Variants in CCDC186 observed in about 807,000 individuals in gnomAD.
CCDC186 encodes coiled-coil domain-containing protein 186.
Under a neutral mutation model 113.7 loss-of-function variants are expected in CCDC186, and 49 were observed. The ratio of observed to expected loss-of-function variants is 0.43; its 90% CI spans 0.34 to 0.55. The LOEUF is 0.55. Ranked by LOEUF, CCDC186 falls within the 20% of genes least tolerant of loss-of-function variation. The probability of loss-of-function intolerance (pLI) is 0.02; values close to 1 mark genes in which losing one functional copy is unlikely to be tolerated. For synonymous variants in CCDC186, 355 were observed against 345.8 expected, an observed-to-expected ratio of 1.03 and a Z score of -0.30; for missense variants, 890 against 1,011.1, an observed-to-expected ratio of 0.88 and a Z score of 1.62.
intron 14 of CCDC186, 106 bp downstream of exon 14, chr10:114,127,354 AT>A: frequency 2.9e-6 from 3 of 1,023,802 alleles, no homozygotes; most frequent in Non-Finnish European, 2.8e-6. Flanking sequence ...AACTATAATT[AT>A]TTTTTGAAAG....
chr10:114,135,272 C>T (rs762031071), intron 9 of CCDC186, among the ~76,000 whole-genome samples: 8 of 152,074 alleles, frequency 5.3e-5, no homozygotes, highest in Non-Finnish European at 1.2e-4. Flanking sequence ...ACTGAATCAC[C>T]ATCTCCTCAC....
intron 2 of CCDC186, among the ~76,000 whole-genome samples, chr10:114,159,598 C>T (rs529929967): frequency 4.9e-4 from 72 of 146,790 alleles, no homozygotes; most frequent in Non-Finnish European, 8.0e-4. Flanking sequence ...AGCCAAGATC[C>T]GCCACTGCAC....
At chr10:114,139,027 A>G (rs1431578504) in intron 6 of CCDC186, among the ~76,000 whole-genome samples, 1 of 152,216 alleles carries the variant, frequency 6.6e-6, no homozygotes, top group Non-Finnish European at 1.5e-5. Flanking sequence ...AATACATTAT[A>G]CTATAGCTTA....
chr10:114,148,052 T>C (rs1327196088), intron 4 of CCDC186, among the ~76,000 whole-genome samples: 1 of 152,168 alleles, frequency 6.6e-6, no homozygotes, highest in Admixed American at 6.5e-5. Context: ...GGGAGGTCTC[T>C]TGAGCCCAGG....
chr10:114,172,164 T>C (rs2032511704), intron 1 of CCDC186, among the ~76,000 whole-genome samples: 1 of 152,228 alleles, frequency 6.6e-6, no homozygotes, highest in Non-Finnish European at 1.5e-5. Flanking sequence ...TAAGGATTCT[T>C]ACTTTAACAC....
rs1157998418 is a variant in CCDC186 at position 114,124,286 on chromosome 10, G to C, written c.*857C>G. On this transcript the variant is annotated 3_prime_UTR_variant, in exon 16 of 16. Transcript: ENST00000369287. ...GAAATAGTTTATAGTGCCATATGCT[G>C]GTTTCTTTTGGAAGCTGGTTCTTCA... The C allele has an allele frequency of 6.7e-6, 1 of 149,586 alleles. No homozygotes were observed. The highest frequency in any genetic ancestry group is 1.5e-5 in the Non-Finnish European group (1 of 67,708). 9.3% of individuals were successfully genotyped at this position (149,586 alleles called of 1,614,324 possible).
At chr10:114,140,598 A>G (rs76317975) in intron 6 of CCDC186, among the ~76,000 whole-genome samples, 1 of 152,240 alleles carries the variant, frequency 6.6e-6, no homozygotes, top group Non-Finnish European at 1.5e-5. Flanking sequence ...AGCTAAATAT[A>G]TGAATCTGGA....
intron 1 of CCDC186, among the ~76,000 whole-genome samples, chr10:114,172,830 G>A (rs542063835): frequency 1.3e-5 from 2 of 152,162 alleles, no homozygotes; most frequent in South Asian, 4.1e-4. Flanking sequence ...AGTTACACAG[G>A]GAACAGTGTA....
chr10:114,172,813 G>A (rs962551856), intron 1 of CCDC186, among the ~76,000 whole-genome samples: 32 of 152,154 alleles, frequency 2.1e-4, no homozygotes, highest in Admixed American at 3.3e-4. Context: ...GTTGGATAAA[G>A]AATTGAAGTT....
chr10:114,132,336 A>G lies in CCDC186; in HGVS notation c.1656-152T>C, dbSNP rs981168426. 26 of 597,534 alleles carry G rather than the reference A, an allele frequency of 4.4e-5. No homozygotes were observed. The African/African-American group carries it at 4.9e-4, about 11-fold the overall frequency. The allele number at this position is 597,534 out of a possible 1,614,324, so 37.0% of individuals were successfully genotyped here. On this transcript the variant is annotated intron_variant, in intron 10 of 15. Coordinates refer to ENST00000369287, the MANE Select transcript of CCDC186 (RefSeq NM_018017.4). The stretch of plus-strand genomic sequence containing the variant: ...AAATGCCTAATATATGCCAGGAAAT[A>G]AGAGCTGGAAAGAAAAGTGAGCAAG...
intron 1 of CCDC186, among the ~76,000 whole-genome samples, chr10:114,171,567 T>A (rs907813092): frequency 5.9e-5 from 9 of 151,908 alleles, no homozygotes; most frequent in African/African-American, 2.2e-4. Context: ...CTAAACAAAA[T>A]GAAGCCTAGT....
intron 4 of CCDC186, among the ~76,000 whole-genome samples, chr10:114,146,030 T>A (rs1228706751): frequency 6.6e-6 from 1 of 152,190 alleles, no homozygotes; most frequent in East Asian, 1.9e-4. Context: ...CTCCTCCAGA[T>A]CCCCTTTCCC....
intron 13 of CCDC186, 49 bp downstream of exon 13, chr10:114,129,842 T>C: frequency 6.4e-7 from 1 of 1,566,608 alleles, no homozygotes; most frequent in East Asian, 2.3e-5. Flanking sequence ...AAATGCTATT[T>C]ATTTTTATAT....
intron 5 of CCDC186, 57 bp downstream of exon 5, chr10:114,145,492 A>C: frequency 7.3e-7 from 1 of 1,378,704 alleles, no homozygotes; most frequent in South Asian, 1.4e-5. Context: ...AATATGGAAA[A>C]GCAAAGAGAA....
chr10:114,135,734 G>A (rs1214458512), intron 9 of CCDC186, among the ~76,000 whole-genome samples, 157 bp downstream of exon 9: 1 of 152,154 alleles, frequency 6.6e-6, no homozygotes, highest in Admixed American at 6.5e-5. Flanking sequence ...TTCAACAAAA[G>A]AAGTTGCTAG....
chr10:114,138,669 A>C (rs573104068), intron 6 of CCDC186, among the ~76,000 whole-genome samples: 5 of 152,186 alleles, frequency 3.3e-5, no homozygotes, highest in South Asian at 2.1e-4. Flanking sequence ...TCTTCTTCTT[A>C]TTCTTTACTT....
At chr10:114,155,047 G>A (rs35639517) in intron 3 of CCDC186, among the ~76,000 whole-genome samples, 11,990 of 152,176 alleles carry the variant, frequency 0.079, 566 homozygotes, top group Middle Eastern at 0.14. Flanking sequence ...TATAGAGACC[G>A]AAAGATTACT....
At chr10:114,169,652 T>C (rs973576797) in intron 1 of CCDC186, among the ~76,000 whole-genome samples, 2 of 152,204 alleles carry the variant, frequency 1.3e-5, no homozygotes, top group African/African-American at 4.8e-5. Flanking sequence ...TTGTCCTTTG[T>C]AGGAAAAGTA....
chr10:114,157,591 GTTC>G lies in CCDC186; in HGVS notation c.719_721del (p.Arg240del). ...GTTCATATGCTGCTTCTCAGTTTCTGTTCTTTTCTTTAGTTCTTCTCTTAAATT... is the reference window on the plus strand; with the variant it reads ...GTTCATATGCTGCTTCTCAGTTTCTGTTTTCTTTAGTTCTTCTCTTAAATT... On this transcript the variant is annotated inframe_deletion, in exon 3 of 16. Coordinates refer to ENST00000369287, the MANE Select transcript of CCDC186 (RefSeq NM_018017.4). The G allele has an allele frequency of 6.2e-7, 1 of 1,610,976 alleles. No individual in the cohort carries two copies. Among genetic ancestry groups the G allele is most frequent in the African/African-American group, 1.3e-5 (1 of 74,712 alleles).
Sources: gnomAD v4.1 joint callset for allele counts (sites outside exome capture counted in the v4.1 genomes callset) on GRCh38, gnomAD v4.1.1 for gene constraint, MANE v1.5 for transcripts, NCBI Gene and HGNC (gene_info 2026-07-23, HGNC 2026-07-21) for gene names.